The following PAK4 variants were observed in gnomAD, a reference collection of about 807,000 sequenced individuals.
The protein encoded by PAK4 is serine/threonine-protein kinase PAK 4.
A neutral mutation model predicts 53.5 loss-of-function variants in PAK4; 49 were observed. The observed-to-expected ratio is 0.92, with a 90% CI of 0.73 to 1.16. PAK4 has a LOEUF of 1.16. Ranked by LOEUF, PAK4 falls within the 50% of genes most tolerant of loss-of-function variation. The pLI, the probability that PAK4 is intolerant of heterozygous loss-of-function variation, is 0.00. For missense variants in PAK4, 824 were observed against 850.7 expected (o/e 0.97, Z 0.39); for synonymous variants, 376 against 375.6 (o/e 1.00, Z -0.01).
intron 1 of PAK4, among the ~76,000 whole-genome samples, chr19:39,132,842 C>G (rs1294303974): frequency 6.6e-6 from 1 of 152,248 alleles, no homozygotes; most frequent in Non-Finnish European, 1.5e-5. Flanking sequence ...ACATTCTCAC[C>G]TTTGCCAGTC....
chr19:39,144,199 G>C (rs2073963511), intron 1 of PAK4, among the ~76,000 whole-genome samples: 1 of 151,542 alleles, frequency 6.6e-6, no homozygotes. Flanking sequence ...GATAGATATG[G>C]TTAAGTGAGT....
chr19:39,154,129 T>C (rs1218811974), intron 1 of PAK4, among the ~76,000 whole-genome samples: 1 of 152,062 alleles, frequency 6.6e-6, no homozygotes, highest in Non-Finnish European at 1.5e-5. Context: ...ATTCACCACC[T>C]CCTGGGGACG....
At chr19:39,152,717 C>CA (rs976695662) in intron 1 of PAK4, among the ~76,000 whole-genome samples, 3 of 152,152 alleles carry the variant, frequency 2.0e-5, no homozygotes, top group African/African-American at 7.2e-5. Context: ...GGGTGGAAGA[C>CA]AGGAACAGAA....
downstream of PAK4, chr19:39,181,093 TTTTGAG>T (rs968941074): frequency 3.9e-5 from 6 of 152,204 alleles, no homozygotes; most frequent in African/African-American, 9.7e-5. Context: ...TTTTGTTTTG[TTTTGAG>T]TTTTTTTGTT....
chr19:39,144,887 G>T (rs112836361), intron 1 of PAK4, among the ~76,000 whole-genome samples: 1 of 152,094 alleles, frequency 6.6e-6, no homozygotes, highest in Admixed American at 6.5e-5. Flanking sequence ...TGTCAGGATC[G>T]CTCTCCCGGT....
chr19:39,168,302 G>C (rs1007162140), intron 1 of PAK4: 1 of 147,920 alleles, frequency 6.8e-6, no homozygotes, highest in Non-Finnish European at 1.5e-5. Context: ...CATCAGACCA[G>C]GTGTGTGCAG....
intron 1 of PAK4, among the ~76,000 whole-genome samples, chr19:39,138,899 C>A (rs1468977386): frequency 1.3e-5 from 2 of 152,212 alleles, no homozygotes; most frequent in Non-Finnish European, 2.9e-5. Flanking sequence ...CCCAGCCCTA[C>A]TCTGGGGGGC....
chr19:39,177,388 G>A (rs2074627559), intron 7 of PAK4, among the ~76,000 whole-genome samples: 1 of 152,176 alleles, frequency 6.6e-6, no homozygotes, highest in South Asian at 2.1e-4. Context: ...GAGGCCGCAT[G>A]GGTCCTGAAC....
intron 1 of PAK4, among the ~76,000 whole-genome samples, chr19:39,165,974 G>C (rs922080266): frequency 3.9e-5 from 6 of 152,114 alleles, no homozygotes; most frequent in African/African-American, 1.4e-4. Flanking sequence ...GATCATATGT[G>C]GGACTCCGGG....
intron 2 of PAK4, among the ~76,000 whole-genome samples, chr19:39,171,959 C>T (rs1460193702): frequency 6.6e-6 from 1 of 152,250 alleles, no homozygotes; most frequent in African/African-American, 2.4e-5. Context: ...CTGCCCAGAG[C>T]ATGCACTAGG....
intron 2 of PAK4, among the ~76,000 whole-genome samples, chr19:39,171,964 A>G (rs1443137861): frequency 6.6e-6 from 1 of 152,242 alleles, no homozygotes; most frequent in Non-Finnish European, 1.5e-5. Context: ...CAGAGCATGC[A>G]CTAGGCAGAG....
At chr19:39,177,588 C>G in intron 7 of PAK4, 87 bp from the exon 9 acceptor site, 1 of 1,396,790 alleles carries the variant, frequency 7.2e-7, no homozygotes, top group Non-Finnish European at 9.6e-7. Context: ...GAGGCAGAGA[C>G]AGCGCTGGAG....
intron 1 of PAK4, among the ~76,000 whole-genome samples, chr19:39,131,037 G>A (rs552194191): frequency 6.6e-6 from 1 of 152,144 alleles, no homozygotes; most frequent in Non-Finnish European, 1.5e-5. Flanking sequence ...CATCTTCACA[G>A]CAACCTGTGA....
At chr19:39,145,590 G>A (rs1296531579) in intron 1 of PAK4, among the ~76,000 whole-genome samples, 1 of 152,144 alleles carries the variant, frequency 6.6e-6, no homozygotes, top group African/African-American at 2.4e-5. Context: ...GTAGAGCGCC[G>A]TTGGCTTCCT....
intron 1 of PAK4, among the ~76,000 whole-genome samples, chr19:39,147,841 G>GTTTTTT (rs35845376): frequency 7.6e-4 from 10 of 13,230 alleles, no homozygotes; most frequent in Non-Finnish European, 1.1e-3. Flanking sequence ...TTGTTTTCGG[G>GTTTTTT]TTTTTTTTTT....
chr19:39,138,953 G>T (rs1035349270), intron 1 of PAK4, among the ~76,000 whole-genome samples: 14 of 152,126 alleles, frequency 9.2e-5, no homozygotes, highest in Admixed American at 3.3e-4. Flanking sequence ...GTGGGTCAGT[G>T]GGGGGTTCTC....
At chr19:39,167,495 C>T (rs1259246804) in intron 1 of PAK4, among the ~76,000 whole-genome samples, 1 of 152,068 alleles carries the variant, frequency 6.6e-6, no homozygotes, top group Non-Finnish European at 1.5e-5. Flanking sequence ...GGGCAGCACT[C>T]AGGGCGCCAG....
intron 1 of PAK4, among the ~76,000 whole-genome samples, chr19:39,153,250 C>A (rs907330505): frequency 2.4e-5 from 3 of 126,120 alleles, no homozygotes; most frequent in African/African-American, 8.0e-5. Context: ...CCAGAAGCAT[C>A]CACTCTTTTT....
chr19:39,147,501 C>T (rs1416669570), intron 1 of PAK4, among the ~76,000 whole-genome samples: 1 of 152,170 alleles, frequency 6.6e-6, no homozygotes, highest in African/African-American at 2.4e-5. Flanking sequence ...TTTTGTTTCT[C>T]TGGGGCCAAT....
Sources: gnomAD v4.1 joint callset for allele counts (sites outside exome capture counted in the v4.1 genomes callset) on GRCh38, gnomAD v4.1.1 for gene constraint, MANE v1.5 for transcripts, NCBI Gene and HGNC (gene_info 2026-07-23, HGNC 2026-07-21) for gene names.